TAFA4: variants seen among roughly 807,000 people sequenced by gnomAD.
The protein encoded by TAFA4 is TAFA chemokine like family member 4, also known as chemokine-like protein TAFA-4.
In TAFA4, 20 loss-of-function variants were observed where a neutral mutation model predicts 21.1. The ratio of observed to expected loss-of-function variants is 0.95; its 90% CI spans 0.67 to 1.38. The LOEUF (loss-of-function observed/expected upper bound fraction) is 1.38. Among genes scored for constraint, TAFA4 ranks in the 40% most tolerant of loss-of-function variants. The probability of loss-of-function intolerance (pLI) is 0.00; values close to 1 mark genes in which losing one functional copy is unlikely to be tolerated. For missense variants in TAFA4, 211 were observed against 180.9 expected (o/e 1.17, Z -0.95); for synonymous variants, 71 against 67.4 (o/e 1.05, Z -0.26).
rs1015998612 is a variant in TAFA4, at chr3:68,832,901, C to A, written c.130+47829G>T. The stretch of plus-strand genomic sequence containing the variant: ...GTGAACATACAACCGCCTACTCAAG[C>A]CTCAGCAAGGGTGGACGCCCCTTCC... On this transcript the variant is annotated intron_variant, in intron 3 of 5. Transcript: ENST00000295569. Among the ~76,000 whole-genome samples, 8 of 152,314 alleles carry A rather than the reference C, an allele frequency of 5.3e-5. No homozygotes were observed. In the East Asian group the frequency reaches 1.4e-3, roughly 26 times the overall value.
chr3:68,919,654 C>T (rs1386623812), intron 1 of TAFA4, among the ~76,000 whole-genome samples: 1 of 152,162 alleles, frequency 6.6e-6, no homozygotes, highest in Admixed American at 6.5e-5. Context: ...TCAAAAGTGA[C>T]ATGTTGCTTA....
At chr3:68,873,374 A>ACC (rs1553649876) in intron 3 of TAFA4, among the ~76,000 whole-genome samples, 80 of 140,378 alleles carry the variant, frequency 5.7e-4, no homozygotes, top group African/African-American at 2.0e-3. Context: ...ACACACACAC[A>ACC]CACCCTGGGC....
At chr3:68,832,378 T>C (rs990399100) in intron 3 of TAFA4, among the ~76,000 whole-genome samples, 1 of 152,226 alleles carries the variant, frequency 6.6e-6, no homozygotes, top group Non-Finnish European at 1.5e-5. Context: ...TGGATGTCCT[T>C]TTTTGTTGAT....
rs755671633 is a variant in TAFA4, at chr3:68,866,756, C to A, written c.130+13974G>T. On this transcript the variant is annotated intron_variant, in intron 3 of 5. Transcript: ENST00000295569. ...CAACAACAAAAAACAAATCCTGGAA[C>A]TGAGAAATTCATGTGTTGGACCACA... 6.9e-5 allele frequency among the ~76,000 whole-genome samples: 10 copies of A among 145,514 alleles called. No homozygotes were observed. The East Asian group carries it at 1.9e-3, about 27-fold the overall frequency.
chr3:68,805,639 G>A (rs983963508), intron 3 of TAFA4, among the ~76,000 whole-genome samples: 1 of 152,188 alleles, frequency 6.6e-6, no homozygotes, highest in Non-Finnish European at 1.5e-5. Flanking sequence ...AAAATGGTGA[G>A]TTCCTGTCCT....
At chr3:68,910,839 C>G (rs2089954440) in intron 1 of TAFA4, among the ~76,000 whole-genome samples, 1 of 152,102 alleles carries the variant, frequency 6.6e-6, no homozygotes, top group Non-Finnish European at 1.5e-5. Flanking sequence ...CAATCAGATT[C>G]CATTGTACCA....
In TAFA4 at chr3:68,799,058, GT is replaced by G. The variant is rs1361326407; in HGVS notation, c.131-46041del. Among the ~76,000 whole-genome samples, 15 of 152,220 alleles carry G rather than the reference GT, an allele frequency of 9.9e-5. No individual in the cohort carries two copies. In the East Asian group the frequency reaches 2.7e-3, roughly 27 times the overall value. ...CTAGGTGACAGGGAGCCACTGAAGA[GT>G]TTTTGAGCAGCAAAGCATCAGGAGT... On this transcript the variant is annotated intron_variant, in intron 3 of 5. Transcript: ENST00000295569.
chr3:68,899,979 C>T (rs990060553), intron 1 of TAFA4, among the ~76,000 whole-genome samples: 1 of 151,792 alleles, frequency 6.6e-6, no homozygotes, highest in African/African-American at 2.4e-5. Flanking sequence ...GTAGCTCACA[C>T]CTGTAATCCC....
chr3:68,881,570 T>C (rs937110788), intron 2 of TAFA4, among the ~76,000 whole-genome samples: 9 of 152,312 alleles, frequency 5.9e-5, no homozygotes, highest in Non-Finnish European at 1.0e-4. Flanking sequence ...ATTAAGTAGA[T>C]AGAACTCGAT....
At chr3:68,773,212 C>A (rs1453892546) in intron 3 of TAFA4, among the ~76,000 whole-genome samples, 1 of 152,138 alleles carries the variant, frequency 6.6e-6, no homozygotes, top group Non-Finnish European at 1.5e-5. Context: ...TCAGGGGTTC[C>A]CACAAGTCCC....
intron 1 of TAFA4, among the ~76,000 whole-genome samples, chr3:68,905,472 TCTG>T (rs1247066759): frequency 6.6e-6 from 1 of 152,158 alleles, no homozygotes; most frequent in Non-Finnish European, 1.5e-5. Flanking sequence ...CCGGCCGGTC[TCTG>T]CTTTCATACT....
chr3:68,843,100 C>A (rs7623909), intron 3 of TAFA4, among the ~76,000 whole-genome samples: 46,806 of 151,784 alleles, frequency 0.31, 7,606 homozygotes, highest in Non-Finnish European at 0.37. Context: ...TTGGGGATAG[C>A]GTTGAATCTA....
intron 3 of TAFA4, among the ~76,000 whole-genome samples, chr3:68,801,867 G>A (rs1355181635): frequency 6.6e-6 from 1 of 151,720 alleles, no homozygotes; most frequent in African/African-American, 2.4e-5. Context: ...CCTATTTATA[G>A]GTGGAAAAAA....
At position 68,888,312 on chromosome 3, in the gene TAFA4, A is replaced by G. The variant is rs930479015; in HGVS notation, c.-122-3002T>C. On this transcript the variant is annotated intron_variant, in intron 1 of 5. Transcript: ENST00000295569. ...TTCATCAGAATGGCCCTTACCGTCCATATTTCTAACAACATTCTGATCACA... is the reference window on the plus strand; with the variant it reads ...TTCATCAGAATGGCCCTTACCGTCCGTATTTCTAACAACATTCTGATCACA... 3.3e-5 allele frequency among the ~76,000 whole-genome samples: 5 copies of G among 152,226 alleles called. No individual in the cohort carries two copies. In the East Asian group the frequency reaches 5.8e-4, roughly 18 times the overall value.
Position 68,824,454 on chromosome 3 carries a change from C to G in TAFA4, c.130+56276G>C, listed in dbSNP as rs912601240. 1.6e-4 allele frequency among the ~76,000 whole-genome samples: 25 copies of G among 151,888 alleles called. 1 individual carries two copies. Among genetic ancestry groups the G allele is most frequent in the Admixed American group, 1.3e-4 (2 of 15,258 alleles). ...GACCTCCGTTTCCATCATCATATCTCCTCTCTGATTCCACCTCTCCTGCCT... is the reference window on the plus strand; with the variant it reads ...GACCTCCGTTTCCATCATCATATCTGCTCTCTGATTCCACCTCTCCTGCCT... On this transcript the variant is annotated intron_variant, in intron 3 of 5. Transcript: ENST00000295569.
At chr3:68,836,616 C>A (rs1327338774) in intron 3 of TAFA4, among the ~76,000 whole-genome samples, 1 of 152,176 alleles carries the variant, frequency 6.6e-6, no homozygotes, top group East Asian at 1.9e-4. Flanking sequence ...ATTCCAGGAA[C>A]TCTTATAGGT....
At chr3:68,827,101 A>T (rs1674399066) in intron 3 of TAFA4, among the ~76,000 whole-genome samples, 1 of 128,044 alleles carries the variant, frequency 7.8e-6, no homozygotes, top group Non-Finnish European at 1.5e-5. Context: ...TGTTCTCATT[A>T]TTCAGCTCCC....
chr3:68,850,857 C>A (rs1254189489), intron 3 of TAFA4, among the ~76,000 whole-genome samples: 3 of 151,908 alleles, frequency 2.0e-5, no homozygotes, highest in African/African-American at 7.3e-5. Flanking sequence ...ATGATAGTTT[C>A]TTTTTCTGTG....
At chr3:68,841,274 G>A (rs188443595) in intron 3 of TAFA4, among the ~76,000 whole-genome samples, 2,512 of 70,134 alleles carry the variant, frequency 0.036, 344 homozygotes, top group African/African-American at 0.11. Flanking sequence ...AGTGAGCCGA[G>A]ATCCCGCCAC....
Sources: gnomAD v4.1 joint callset for allele counts (sites outside exome capture counted in the v4.1 genomes callset) on GRCh38, gnomAD v4.1.1 for gene constraint, MANE v1.5 for transcripts, NCBI Gene and HGNC (gene_info 2026-07-23, HGNC 2026-07-21) for gene names.